The following DGKI variants were observed in gnomAD, a reference collection of about 807,000 sequenced individuals.
The protein encoded by DGKI is DAG kinase iota.
A neutral mutation model predicts 147.5 loss-of-function variants in DGKI; 55 were observed. The ratio of observed to expected loss-of-function variants is 0.37; its 90% confidence interval spans 0.30 to 0.47. DGKI has a LOEUF of 0.47. Among genes scored for constraint, DGKI ranks in the 20% least tolerant of loss-of-function variants. The pLI is 1.00. For synonymous variants in DGKI, 469 were observed against 477.1 expected, an observed-to-expected ratio of 0.98 and a Z score of 0.22; for missense variants, 1,007 against 1,323.8, an observed-to-expected ratio of 0.76 and a Z score of 3.71.
chr7:137,556,104 T>G (rs1646381), intron 19 of DGKI, among the ~76,000 whole-genome samples: 16,620 of 152,070 alleles, frequency 0.11, 2,052 homozygotes, highest in African/African-American at 0.3. Context: ...GTACATTAAT[T>G]ATTTAAATGA....
Position 137,651,195 on chromosome 7 carries a change from C to T in DGKI, c.738+3537G>A, listed in dbSNP as rs111954343. Among the ~76,000 whole-genome samples, 505 of 152,332 alleles carry T rather than the reference C, an allele frequency of 3.3e-3. 4 individuals are homozygous for T. Among genetic ancestry groups the T allele is most frequent in the Non-Finnish European group, 5.0e-3 (337 of 68,046 alleles). On this transcript the variant is annotated intron_variant, in intron 5 of 32. Transcript: ENST00000614521. ...ATCTGATTTTCATTTTGAAAGATCA[C>T]TCCTTTAAGTCATGGGTGGATTGAA... is the stretch of plus-strand genomic sequence containing the variant.
intron 23 of DGKI, among the ~76,000 whole-genome samples, chr7:137,472,345 T>TAATTATATGTATATATACATAA (rs1563040195): frequency 1.8e-5 from 1 of 54,176 alleles, no homozygotes; most frequent in Non-Finnish European, 3.0e-5. Flanking sequence ...ATACATATAA[T>TAATTATATGTATATATACATAA]TATTATATGT....
intron 1 of DGKI, among the ~76,000 whole-genome samples, chr7:137,817,926 C>T (rs954381568): frequency 1.3e-5 from 2 of 152,318 alleles, no homozygotes; most frequent in Non-Finnish European, 2.9e-5. Context: ...TGTACTAGTA[C>T]GAACTTATCA....
intron 1 of DGKI, among the ~76,000 whole-genome samples, chr7:137,698,345 G>A (rs1444791517): frequency 6.6e-6 from 1 of 152,148 alleles, no homozygotes; most frequent in Non-Finnish European, 1.5e-5. Flanking sequence ...GAGGTTTACT[G>A]AAGAATGCTT....
chr7:137,443,506 C>T (rs1306568611), intron 28 of DGKI, among the ~76,000 whole-genome samples: 1 of 152,188 alleles, frequency 6.6e-6, no homozygotes, highest in Non-Finnish European at 1.5e-5. Context: ...AAATGAACAA[C>T]TCCAAAGGTG....
At position 137,792,911 on chromosome 7, in the gene DGKI, A is replaced by C. The variant is rs111382313; in HGVS notation, c.401+53551T>G. Among the ~76,000 whole-genome samples the C allele has an allele frequency of 1.3e-3, 192 of 152,312 alleles. 3 individuals are homozygous for C. The highest frequency in any genetic ancestry group is 4.5e-3 in the African/African-American group (189 of 41,570). On this transcript the variant is annotated intron_variant, in intron 1 of 32. Coordinates refer to ENST00000614521, the MANE Select transcript of DGKI (RefSeq NM_001321708.2). ...GGCCTGCAGAACCGTGAACCAAATA[A>C]ACTTCTTTTCATTTTAAATTACCCA... is the stretch of plus-strand genomic sequence containing the variant.
chr7:137,607,414 G>A (rs188627236), intron 10 of DGKI, among the ~76,000 whole-genome samples: 1 of 152,214 alleles, frequency 6.6e-6, no homozygotes, highest in East Asian at 1.9e-4. Flanking sequence ...AGCAATATTA[G>A]ATAATCTCTG....
intron 12 of DGKI, among the ~76,000 whole-genome samples, chr7:137,591,555 G>A (rs1463107782): frequency 6.6e-6 from 1 of 152,138 alleles, no homozygotes; most frequent in East Asian, 1.9e-4. Flanking sequence ...GCGCAGAAGT[G>A]TGGGGCACCG....
chr7:137,625,268 T>C (rs534808012), intron 6 of DGKI, among the ~76,000 whole-genome samples: 21 of 152,052 alleles, frequency 1.4e-4, no homozygotes, highest in African/African-American at 4.6e-4. Flanking sequence ...AAGAGCAGCC[T>C]GACCAACATG....
chr7:137,557,044 G>A (rs1024160844), intron 19 of DGKI, among the ~76,000 whole-genome samples: 6 of 152,086 alleles, frequency 3.9e-5, no homozygotes, highest in African/African-American at 1.4e-4. Context: ...CTTTGGACTT[G>A]AGCTTAAACA....
intron 10 of DGKI, among the ~76,000 whole-genome samples, chr7:137,602,092 A>G (rs1820010236): frequency 6.6e-6 from 1 of 152,208 alleles, no homozygotes; most frequent in Admixed American, 6.5e-5. Flanking sequence ...TATGTTTAAT[A>G]GGTAACACAG....
chr7:137,763,617 T>A (rs1795924991), intron 1 of DGKI, among the ~76,000 whole-genome samples: 1 of 152,240 alleles, frequency 6.6e-6, no homozygotes, highest in Non-Finnish European at 1.5e-5. Context: ...ACTTAGAAAA[T>A]GTTTGCCTAT....
chr7:137,525,205 G>C (rs1293356691), intron 20 of DGKI, among the ~76,000 whole-genome samples: 2 of 152,108 alleles, frequency 1.3e-5, no homozygotes. Context: ...GAAGAAATCA[G>C]ACTCTAACCA....
Position 137,689,882 on chromosome 7 carries a change from G to C in DGKI, c.510+12C>G. On this transcript the variant is annotated intron_variant, in intron 2 of 32. Transcript: ENST00000614521. ...ACTGAAGTGATGTTTAAATGAAAAG[G>C]CCAACACCTACACTCCAGTCCAAAG... The C allele has an allele frequency of 6.6e-7, 1 of 1,518,524 alleles. No homozygotes were observed. The highest frequency in any genetic ancestry group is 8.9e-7 in the Non-Finnish European group (1 of 1,129,462). The allele number at this position is 1,518,524 out of a possible 1,614,324, so 94.1% of individuals were successfully genotyped here.
intron 1 of DGKI, among the ~76,000 whole-genome samples, chr7:137,782,242 C>T (rs985316477): frequency 3.3e-5 from 5 of 152,120 alleles, no homozygotes; most frequent in Non-Finnish European, 5.9e-5. Context: ...AGACTCGGTG[C>T]TGTCGTGGGG....
intron 3 of DGKI, among the ~76,000 whole-genome samples, chr7:137,675,700 A>AAAAAAC (rs1823012072): frequency 6.6e-6 from 1 of 151,702 alleles, no homozygotes; most frequent in Non-Finnish European, 1.5e-5. Context: ...AAAAAAAAAA[A>AAAAAAC]AAAAAAATCG....
intron 20 of DGKI, among the ~76,000 whole-genome samples, chr7:137,529,855 T>C (rs1817280370): frequency 6.6e-6 from 1 of 152,170 alleles, no homozygotes; most frequent in African/African-American, 2.4e-5. Flanking sequence ...GTTCAAGCAA[T>C]TGTCCTGCCT....
chr7:137,426,429 C>G (rs1234714936), intron 28 of DGKI, among the ~76,000 whole-genome samples: 2 of 152,190 alleles, frequency 1.3e-5, no homozygotes, highest in Non-Finnish European at 2.9e-5. Context: ...CAACCGGTAC[C>G]AGCCACTACA....
chr7:137,592,173 G>A (rs1819640852), intron 12 of DGKI, among the ~76,000 whole-genome samples: 1 of 152,160 alleles, frequency 6.6e-6, no homozygotes, highest in Non-Finnish European at 1.5e-5. Context: ...CACATTGAAA[G>A]GTTCTATGGG....
Sources: allele counts gnomAD v4.1 joint callset (sites outside exome capture counted in the v4.1 genomes callset), GRCh38; gene constraint gnomAD v4.1.1; transcripts MANE v1.5; gene names NCBI Gene and HGNC (gene_info 2026-07-23, HGNC 2026-07-21).